The following MALT1 variants were observed in gnomAD, a reference collection of about 807,000 sequenced individuals.
The protein encoded by MALT1 is mucosa-associated lymphoid tissue lymphoma translocation protein 1.
In MALT1, 36 loss-of-function variants were observed where a neutral mutation model predicts 85.5. The observed-to-expected ratio is 0.42, with a 90% confidence interval of 0.32 to 0.56. The LOEUF (loss-of-function observed/expected upper bound fraction) is 0.56, where lower values mean the gene tolerates loss of function less well. Ranked by LOEUF, MALT1 falls within the 20% of genes least tolerant of loss-of-function variation. The pLI is 0.10. For synonymous variants in MALT1, 359 were observed against 361.3 expected (o/e 0.99, Z 0.07); for missense variants, 716 against 981.6 (o/e 0.73, Z 3.62).
chr18:58,734,066 C>A, intron 11 of MALT1: 5 of 1,308,742 alleles, frequency 3.8e-6, no homozygotes, highest in Non-Finnish European at 4.9e-6. Context: ...TTTGCTTGCT[C>A]AGCATTTACC....
intron 2 of MALT1, among the ~76,000 whole-genome samples, chr18:58,688,299 TACACACACACAC>T (rs34923643): frequency 7.2e-6 from 1 of 139,562 alleles, no homozygotes; most frequent in Non-Finnish European, 1.6e-5. Context: ...ATATATATGT[TACACACACACAC>T]ACACACACAC....
intron 8 of MALT1, 65 bp downstream of exon 8, chr18:58,714,174 C>A: frequency 1.3e-6 from 1 of 759,928 alleles, no homozygotes; most frequent in South Asian, 1.7e-5. Flanking sequence ...GCAAAGTTAC[C>A]GTAGGTACTC....
intron 9 of MALT1, among the ~76,000 whole-genome samples, chr18:58,721,198 G>A (rs1308279105): frequency 6.6e-6 from 1 of 152,204 alleles, no homozygotes; most frequent in Non-Finnish European, 1.5e-5. Flanking sequence ...CGACCTAAGT[G>A]GAGAAACCCC....
chr18:58,718,079 G>A (rs1459434807), intron 9 of MALT1, among the ~76,000 whole-genome samples: 1 of 152,098 alleles, frequency 6.6e-6, no homozygotes, highest in East Asian at 1.9e-4. Flanking sequence ...TGAGATGTAG[G>A]TATTTTTCCT....
rs2319974 is a variant in MALT1, at chr18:58,749,237, A to G, written c.*1395A>G. 0.11 allele frequency: 24,057 copies of G among 216,282 alleles called. 2,304 individuals are homozygous for G. Among genetic ancestry groups the G allele is most frequent in the African/African-American group, 0.29 (13,071 of 44,464 alleles). The allele number at this position is 216,282 out of a possible 1,614,324, so 13.4% of individuals were successfully genotyped here. ...CTTTTAGGAGAAAGTGTATTTGTGT[A>G]TATGTGTGTATACATATGTTTATCT... is the stretch of plus-strand genomic sequence containing the variant. On this transcript the variant is annotated 3_prime_UTR_variant, in exon 17 of 17. Coordinates refer to ENST00000649217, the MANE Select transcript of MALT1 (RefSeq NM_006785.4).
intron 6 of MALT1, among the ~76,000 whole-genome samples, chr18:58,710,650 G>T (rs1219063184): frequency 6.6e-6 from 1 of 152,022 alleles, no homozygotes; most frequent in Non-Finnish European, 1.5e-5. Flanking sequence ...AAAAGAAAAA[G>T]ATTTTTAATA....
At chr18:58,703,679 A>G (rs1025382131) in intron 4 of MALT1, among the ~76,000 whole-genome samples, 3 of 152,302 alleles carry the variant, frequency 2.0e-5, no homozygotes, top group East Asian at 1.9e-4. Context: ...AACTGCCCCC[A>G]TGATCCAATC....
At chr18:58,730,299 A>G (rs1482646884) in intron 10 of MALT1, among the ~76,000 whole-genome samples, 1 of 152,200 alleles carries the variant, frequency 6.6e-6, no homozygotes, top group Non-Finnish European at 1.5e-5. Context: ...ATATCCATTA[A>G]CAGTCACTCC....
At chr18:58,681,860 G>T (rs2054327503) in intron 2 of MALT1, among the ~76,000 whole-genome samples, 1 of 152,144 alleles carries the variant, frequency 6.6e-6, no homozygotes, top group Non-Finnish European at 1.5e-5. Flanking sequence ...ACCGATATTG[G>T]ATGAGGCTTT....
At position 58,733,753 on chromosome 18, in the gene MALT1, ACT is replaced by A. The variant is rs765442887; in HGVS notation, c.1400+182_1400+183del. ...ACTCCATGTATATCTAATTATTTTA[ACT>A]CTTCATATTTGCTATAGAACACAAA... is the stretch of plus-strand genomic sequence containing the variant. On this transcript the variant is annotated intron_variant, in intron 11 of 16. Transcript: ENST00000649217. The A allele has an allele frequency of 8.1e-6, 6 of 738,220 alleles. No individual in the cohort carries two copies. In the East Asian group the frequency reaches 8.6e-5, roughly 11 times the overall value. 45.7% of individuals were successfully genotyped at this position (738,220 alleles called of 1,614,324 possible). A position where few individuals can be genotyped will look rare whatever the true frequency, so the allele number is the denominator to read the frequency against.
intron 13 of MALT1, among the ~76,000 whole-genome samples, chr18:58,736,232 G>A (rs1193205361): frequency 6.6e-6 from 1 of 152,170 alleles, no homozygotes; most frequent in African/African-American, 2.4e-5. Context: ...TAAGGTGTTT[G>A]ACCAACTGTC....
chr18:58,691,479 A>G, intron 2 of MALT1: 1 of 247,034 alleles, frequency 4.0e-6, no homozygotes, highest in Non-Finnish European at 8.0e-6. Context: ...ACAGTAGAAC[A>G]CCACAGACCT....
At position 58,748,181 on chromosome 18, in the gene MALT1, T is replaced by TAACACCAGAAAGAACCTTGCCG. The variant is rs1209224382; in HGVS notation, c.*341_*362dup. ...ATTGTAGAATAAGTCATTGTATTTT[T>TAACACCAGAAAGAACCTTGCCG]AACACCAGAAAGAACCTTGCCGATC... On this transcript the variant is annotated 3_prime_UTR_variant, in exon 17 of 17. Transcript: ENST00000649217. 7.3e-6 allele frequency: 2 copies of TAACACCAGAAAGAACCTTGCCG among 272,896 alleles called. No individual in the cohort carries two copies. Among genetic ancestry groups the TAACACCAGAAAGAACCTTGCCG allele is most frequent in the Admixed American group, 1.0e-4 (2 of 19,996 alleles). The allele number at this position is 272,896 out of a possible 1,614,324, so 16.9% of individuals were successfully genotyped here. A position where few individuals can be genotyped will look rare whatever the true frequency, so the allele number is the denominator to read the frequency against.
chr18:58,745,886 A>T (rs1156988520), intron 16 of MALT1, 95 bp downstream of exon 16: 1 of 1,154,916 alleles, frequency 8.7e-7, no homozygotes, highest in Non-Finnish European at 1.2e-6. Context: ...CCTTATTATT[A>T]AAGTAGAGAT....
chr18:58,709,241 T>C (rs1602309797), intron 4 of MALT1, 137 bp from the exon 5 acceptor site: 7 of 553,658 alleles, frequency 1.3e-5, no homozygotes, highest in Admixed American at 3.7e-5. Flanking sequence ...ATGAGTGCTA[T>C]AGTTTTTTTA....
chr18:58,733,528 A>G lies in MALT1; in HGVS notation c.1354A>G (p.Lys452Glu). Residue 452 changes from lysine (K) to glutamate (E), a missense_variant, in exon 11 of 17, where the codon AAA (lysine) becomes GAA (glutamate). By Grantham distance (56) the Lys-to-Glu change is moderately conservative (BLOSUM62 1). This residue lies in a region of MALT1 where 86 missense variants were observed against 212.3 expected (regional missense o/e 0.41). Transcript: ENST00000649217. ...VQNILKLMQE[K>E]ETGLNVFLLD... ...AAATATACTGAAATTGATGCAAGAA[A>G]AAGAAACTGGACTTAATGTGTTCTT... The G allele has an allele frequency of 6.2e-7, 1 of 1,612,080 alleles. No homozygotes were observed. Among genetic ancestry groups the G allele is most frequent in the Non-Finnish European group, 8.5e-7 (1 of 1,178,698 alleles).
At chr18:58,736,452 A>AAAAG (rs530205817) in intron 13 of MALT1, among the ~76,000 whole-genome samples, 4 of 152,056 alleles carry the variant, frequency 2.6e-5, no homozygotes, top group African/African-American at 4.8e-5. Context: ...TAAAAAAAAA[A>AAAAG]AAAGAAAGAA....
At chr18:58,725,406 A>G (rs2055041002) in intron 10 of MALT1, among the ~76,000 whole-genome samples, 2 of 152,190 alleles carry the variant, frequency 1.3e-5, no homozygotes, top group Admixed American at 6.5e-5. Flanking sequence ...CATTATGTAT[A>G]CGTAAATATT....
At chr18:58,715,038 C>T (rs922943766) in intron 8 of MALT1, among the ~76,000 whole-genome samples, 2 of 152,098 alleles carry the variant, frequency 1.3e-5, no homozygotes. Flanking sequence ...ATTACCTGTG[C>T]GTCATTCTCC....
Sources: allele counts gnomAD v4.1 joint callset (sites outside exome capture counted in the v4.1 genomes callset), GRCh38; gene constraint gnomAD v4.1.1; regional missense constraint gnomAD v4.1.1; transcripts MANE v1.5; gene names NCBI Gene and HGNC (gene_info 2026-07-23, HGNC 2026-07-21).